TCF7L2: variants seen among roughly 807,000 people sequenced by gnomAD.
TCF7L2 encodes the protein transcription factor 7 like 2.
In TCF7L2, 23 loss-of-function variants were observed where a neutral mutation model predicts 77.9. The observed-to-expected ratio is 0.30, with a 90% CI of 0.21 to 0.42. TCF7L2 has a LOEUF of 0.42. Ranked by LOEUF, TCF7L2 falls within the 10% of genes least tolerant of loss-of-function variation. TCF7L2 has a pLI of 1.00. For synonymous variants in TCF7L2, 413 were observed against 340.2 expected (o/e 1.21, Z -2.36); for missense variants, 654 against 793.1 (o/e 0.82, Z 2.11).
At chr10:113,122,260 G>A (rs1007393454) in intron 5 of TCF7L2, among the ~76,000 whole-genome samples, 8 of 152,066 alleles carry the variant, frequency 5.3e-5, no homozygotes, top group Non-Finnish European at 1.0e-4. Context: ...ATGAAACTGA[G>A]AGTTAATAGG....
chr10:112,994,382 C>T (rs192403705), intron 4 of TCF7L2, among the ~76,000 whole-genome samples: 1 of 152,278 alleles, frequency 6.6e-6, no homozygotes, highest in African/African-American at 2.4e-5. Flanking sequence ...AAGGTTCATC[C>T]AGTATTGTAG....
intron 5 of TCF7L2, among the ~76,000 whole-genome samples, chr10:113,127,246 T>G (rs2065801116): frequency 6.9e-6 from 1 of 145,794 alleles, no homozygotes; most frequent in African/African-American, 2.7e-5. Flanking sequence ...GTTTCGGGTT[T>G]TTTTTTTTTT....
chr10:113,088,392 C>G (rs1215476343), intron 5 of TCF7L2, among the ~76,000 whole-genome samples: 1 of 152,040 alleles, frequency 6.6e-6, no homozygotes, highest in Admixed American at 6.6e-5. Flanking sequence ...GTTTCCTCCT[C>G]TGTGAAATGG....
chr10:113,077,858 CTTATTTATTTATTTATTTATTTAT>C (rs35452927), intron 5 of TCF7L2, among the ~76,000 whole-genome samples: 119 of 133,890 alleles, frequency 8.9e-4, no homozygotes, highest in East Asian at 3.6e-3. Context: ...GCCTGGCTTG[CTTATTTATTTATTTATTTATTTAT>C]TTATTTATTT....
intron 4 of TCF7L2, among the ~76,000 whole-genome samples, chr10:113,025,092 C>T (rs1402722921): frequency 4.6e-5 from 7 of 152,044 alleles, no homozygotes; most frequent in Non-Finnish European, 8.8e-5. Flanking sequence ...GGGTCTTGCT[C>T]TGTTGCCCAG....
intron 5 of TCF7L2, among the ~76,000 whole-genome samples, chr10:113,105,346 C>G (rs113441380): frequency 0.023 from 3,456 of 152,140 alleles, 124 homozygotes; most frequent in African/African-American, 0.078. Flanking sequence ...TGCTCTGAGG[C>G]CTGCTCCTCT....
Position 113,167,061 on chromosome 10 carries a change from A to C in TCF7L2, c.*1089A>C. 8.6e-6 allele frequency: 2 copies of C among 231,272 alleles called. No homozygotes were observed. Among genetic ancestry groups the C allele is most frequent in the East Asian group, 1.2e-4 (2 of 16,252 alleles). 14.3% of individuals were successfully genotyped at this position (231,272 alleles called of 1,614,324 possible). ...TTAGGACCCGGACTGACCGTGTACA[A>C]AACTTTACGTGCCAAAATTCTCAGT... On this transcript the variant is annotated 3_prime_UTR_variant, in exon 14 of 14. Transcript: ENST00000627217.
chr10:113,002,485 G>A (rs1205791514), intron 4 of TCF7L2, among the ~76,000 whole-genome samples: 2 of 152,262 alleles, frequency 1.3e-5, no homozygotes, highest in South Asian at 2.1e-4. Flanking sequence ...CCTGTGACAG[G>A]AGTCATCCAG....
intron 3 of TCF7L2, among the ~76,000 whole-genome samples, chr10:112,956,790 G>A: frequency 6.6e-6 from 1 of 152,300 alleles, no homozygotes; most frequent in East Asian, 1.9e-4. Flanking sequence ...ACTTATGAAT[G>A]TTAAGATATT....
intron 4 of TCF7L2, among the ~76,000 whole-genome samples, chr10:112,997,283 C>A (rs375847399): frequency 1.3e-5 from 2 of 152,204 alleles, no homozygotes. Context: ...GGGACATCAG[C>A]ATTTTAAAAA....
intron 5 of TCF7L2, among the ~76,000 whole-genome samples, chr10:113,084,338 T>C (rs1023190855): frequency 2.6e-5 from 4 of 152,174 alleles, no homozygotes; most frequent in Non-Finnish European, 4.4e-5. Flanking sequence ...TAATTCCTTT[T>C]CAAAGGCCGG....
At chr10:113,073,144 G>A (rs1410850095) in intron 5 of TCF7L2, among the ~76,000 whole-genome samples, 1 of 150,974 alleles carries the variant, frequency 6.6e-6, no homozygotes, top group Non-Finnish European at 1.5e-5. Context: ...GAGAGAGAGA[G>A]AGAGAGACAG....
In TCF7L2 at chr10:113,040,005, C is replaced by T. The variant is rs2052155020; in HGVS notation, c.451-20C>T. On this transcript the variant is annotated intron_variant, in intron 4 of 13. Transcript: ENST00000627217. ...TCTGAATTCATTGTTTTTCATTTCACTTTTGTTTCCTCTCGCCAGTATCTC... is the reference window on the plus strand; with the variant it reads ...TCTGAATTCATTGTTTTTCATTTCATTTTTGTTTCCTCTCGCCAGTATCTC... 6.2e-7 allele frequency: 1 copy of T among 1,606,296 alleles called. No homozygotes were observed. Among genetic ancestry groups the T allele is most frequent in the Non-Finnish European group, 8.5e-7 (1 of 1,175,544 alleles).
At chr10:113,129,642 G>T (rs1316756845) in intron 5 of TCF7L2, 1 of 1,180,508 alleles carries the variant, frequency 8.5e-7, no homozygotes, top group Non-Finnish European at 1.1e-6. Flanking sequence ...CGACAACTTT[G>T]AGCATTTTGA....
At chr10:113,096,205 C>A (rs1014600300) in intron 5 of TCF7L2, among the ~76,000 whole-genome samples, 1 of 152,124 alleles carries the variant, frequency 6.6e-6, no homozygotes, top group Non-Finnish European at 1.5e-5. Context: ...ATCTGCCTAT[C>A]AGTCAGCGTC....
intron 4 of TCF7L2, among the ~76,000 whole-genome samples, chr10:112,992,038 T>G (rs982285545): frequency 1.3e-5 from 2 of 152,202 alleles, no homozygotes; most frequent in African/African-American, 4.8e-5. Context: ...GTAACCTCAT[T>G]GGCTACAAAG....
chr10:113,144,088 C>CTGTGTGTGTGTGTGTGTGTG lies in TCF7L2; in HGVS notation c.788+74_788+75insGTGTGTGTGTGTGTGTGTGT, dbSNP rs746047660. 4 of 1,261,912 alleles carry CTGTGTGTGTGTGTGTGTGTG rather than the reference C, an allele frequency of 3.2e-6. No individual in the cohort carries two copies. The African/African-American group carries it at 6.9e-5, about 22-fold the overall frequency. The allele number at this position is 1,261,912 out of a possible 1,614,324, so 78.2% of individuals were successfully genotyped here. A position where few individuals can be genotyped will look rare whatever the true frequency, so the allele number is the denominator to read the frequency against. ...TACATGGGCATGTTTATTATTTATT[C>CTGTGTGTGTGTGTGTGTGTG]TGTGTGTGTGTCTGTGTGTGTGTGT... is the stretch of plus-strand genomic sequence containing the variant. On this transcript the variant is annotated intron_variant, in intron 7 of 13. Coordinates refer to ENST00000627217, the MANE Select transcript of TCF7L2 (RefSeq NM_001146274.2).
At chr10:113,003,198 C>T (rs1026059257) in intron 4 of TCF7L2, among the ~76,000 whole-genome samples, 6 of 152,208 alleles carry the variant, frequency 3.9e-5, no homozygotes, top group Non-Finnish European at 8.8e-5. Flanking sequence ...AAGGGCCTGT[C>T]TCTTTCCAAC....
intron 3 of TCF7L2, among the ~76,000 whole-genome samples, chr10:112,956,673 CA>C (rs2033689626): frequency 6.6e-6 from 1 of 152,148 alleles, no homozygotes; most frequent in South Asian, 2.1e-4. Flanking sequence ...CAACCAAAGG[CA>C]AACTCGCACC....
Sources: allele counts gnomAD v4.1 joint callset (sites outside exome capture counted in the v4.1 genomes callset), GRCh38; gene constraint gnomAD v4.1.1; transcripts MANE v1.5; gene names NCBI Gene and HGNC (gene_info 2026-07-23, HGNC 2026-07-21).